GUCA1C: variants seen among roughly 807,000 people sequenced by gnomAD.
GUCA1C encodes the protein guanylate cyclase activator 1C, also known as guanylyl cyclase-activating protein 3.
In GUCA1C, 15 loss-of-function variants were observed where a neutral mutation model predicts 16.2. The observed-to-expected ratio is 0.93, with a 90% CI of 0.62 to 1.43. The LOEUF (loss-of-function observed/expected upper bound fraction) is 1.43. Among genes scored for constraint, GUCA1C ranks in the 40% most tolerant of loss-of-function variants. The pLI, the probability that GUCA1C is intolerant of heterozygous loss-of-function variation, is 0.00. For missense variants in GUCA1C, 275 were observed against 244.8 expected (o/e 1.12, Z -0.82); for synonymous variants, 78 against 85.4 (o/e 0.91, Z 0.48).
intron 1 of GUCA1C, among the ~76,000 whole-genome samples, chr3:108,922,160 A>AACACACACACAC (rs56788372): frequency 5.8e-5 from 3 of 52,076 alleles, no homozygotes; most frequent in African/African-American, 1.4e-4. Flanking sequence ...CACATACACA[A>AACACACACACAC]ACACACACAC....
chr3:108,946,659 G>A (rs551240080), intron 1 of GUCA1C, among the ~76,000 whole-genome samples: 5 of 152,172 alleles, frequency 3.3e-5, no homozygotes, highest in Middle Eastern at 3.4e-3. Context: ...CGGTTTATAG[G>A]TAATATGAAG....
At chr3:108,923,036 G>T (rs1245122144) in intron 1 of GUCA1C, among the ~76,000 whole-genome samples, 1 of 151,946 alleles carries the variant, frequency 6.6e-6, no homozygotes, top group African/African-American at 2.4e-5. Flanking sequence ...GTTTTTTCTT[G>T]TTAATTTGTT....
chr3:108,948,390 C>A (rs1479522160), intron 1 of GUCA1C, among the ~76,000 whole-genome samples: 2 of 152,284 alleles, frequency 1.3e-5, no homozygotes, highest in Non-Finnish European at 2.9e-5. Context: ...GAGGCCTCCC[C>A]AGCCATGTCT....
At chr3:108,911,742 T>C (rs909839987) in intron 3 of GUCA1C, among the ~76,000 whole-genome samples, 4 of 152,214 alleles carry the variant, frequency 2.6e-5, no homozygotes, top group Non-Finnish European at 4.4e-5. Flanking sequence ...CTGGTCTTTC[T>C]TGTTAGTTAA....
intron 3 of GUCA1C, among the ~76,000 whole-genome samples, chr3:108,909,439 A>G (rs957479948): frequency 4.6e-5 from 7 of 152,208 alleles, no homozygotes; most frequent in African/African-American, 1.7e-4. Context: ...GTCAGTGGCA[A>G]CGGGGTAGGG....
At chr3:108,949,362 G>A (rs1946874661) in intron 1 of GUCA1C, among the ~76,000 whole-genome samples, 1 of 152,160 alleles carries the variant, frequency 6.6e-6, no homozygotes, top group South Asian at 2.1e-4. Flanking sequence ...AGGAAGGGAA[G>A]GTTGGGAGAA....
At chr3:108,940,399 G>C (rs1464658979) in intron 1 of GUCA1C, among the ~76,000 whole-genome samples, 1 of 152,168 alleles carries the variant, frequency 6.6e-6, no homozygotes, top group Non-Finnish European at 1.5e-5. Context: ...ATTTTTAAGG[G>C]CTCCTATACA....
chr3:108,951,290 G>C (rs1946893641), intron 1 of GUCA1C, among the ~76,000 whole-genome samples: 1 of 152,100 alleles, frequency 6.6e-6, no homozygotes, highest in African/African-American at 2.4e-5. Flanking sequence ...TACTGCTCTT[G>C]CCACAAAGAC....
At chr3:108,946,184 T>C (rs1342549640) in intron 1 of GUCA1C, among the ~76,000 whole-genome samples, 8 of 152,212 alleles carry the variant, frequency 5.3e-5, no homozygotes, top group Admixed American at 5.2e-4. Flanking sequence ...TAGAGTGCAA[T>C]GGTGCAATCA....
chr3:108,949,210 T>C (rs754209511), intron 1 of GUCA1C, among the ~76,000 whole-genome samples: 6 of 152,200 alleles, frequency 3.9e-5, no homozygotes, highest in Non-Finnish European at 1.5e-5. Flanking sequence ...GTGAGTCTTA[T>C]TAATAGGATA....
chr3:108,920,568 A>G lies in GUCA1C; in HGVS notation c.222T>C (p.Phe74=), dbSNP rs902203673. Residue 74 remains phenylalanine (F), a synonymous_variant, in exon 2 of 4, where the codon TTT becomes TTC. Coordinates refer to ENST00000261047, the MANE Select transcript of GUCA1C (RefSeq NM_005459.4). ...FDTNKDGFVD[F]LEFIAAVNLI... ...GATTTACAGCAGCAATAAACTCCAA[A>G]AAGTCAACAAATCCATCCTATGGAA... 2 of 1,510,604 alleles carry G rather than the reference A, an allele frequency of 1.3e-6. No individual in the cohort carries two copies. The highest frequency in any genetic ancestry group is 1.7e-5 in the Admixed American group (1 of 59,724). The allele number at this position is 1,510,604 out of a possible 1,614,324, so 93.6% of individuals were successfully genotyped here. A position where few individuals can be genotyped will look rare whatever the true frequency, so the allele number is the denominator to read the frequency against.
intron 1 of GUCA1C, among the ~76,000 whole-genome samples, chr3:108,945,317 T>C (rs1946833569): frequency 6.6e-6 from 1 of 152,242 alleles, no homozygotes. Context: ...GGTTTTGCGT[T>C]GGCAGTGGTA....
rs1037040368 is a variant in GUCA1C, at chr3:108,918,530, A to G, written c.354+1906T>C. On this transcript the variant is annotated intron_variant, in intron 2 of 3. Coordinates refer to ENST00000261047, the MANE Select transcript of GUCA1C (RefSeq NM_005459.4). The stretch of plus-strand genomic sequence containing the variant: ...AATTGCAGGATACAACCACATCTCA[A>G]TGGTTTCCTAACATCCCCATGTTAT... 2.0e-5 allele frequency among the ~76,000 whole-genome samples: 3 copies of G among 152,148 alleles called. 1 individual carries two copies. The highest frequency in any genetic ancestry group is 6.3e-3 in the Middle Eastern group (2 of 316).
chr3:108,910,358 C>T (rs1039640776), intron 3 of GUCA1C, among the ~76,000 whole-genome samples: 27 of 151,824 alleles, frequency 1.8e-4, no homozygotes, highest in African/African-American at 6.5e-4. Flanking sequence ...AGTAGCCGAG[C>T]GTGGTGGAGG....
chr3:108,925,441 C>A (rs185453053), intron 1 of GUCA1C, among the ~76,000 whole-genome samples: 5 of 152,172 alleles, frequency 3.3e-5, no homozygotes, highest in Admixed American at 3.3e-4. Context: ...TTGAGGGTTC[C>A]TTTTGGAGTT....
At chr3:108,932,609 A>G (rs2107300295) in intron 1 of GUCA1C, among the ~76,000 whole-genome samples, 1 of 152,318 alleles carries the variant, frequency 6.6e-6, no homozygotes, top group Non-Finnish European at 1.5e-5. Context: ...CAGTCTCAAA[A>G]TGATATATGC....
chr3:108,923,992 T>A (rs1946595337), intron 1 of GUCA1C, among the ~76,000 whole-genome samples: 1 of 152,196 alleles, frequency 6.6e-6, no homozygotes. Context: ...TTTGTGTACA[T>A]TAATTTTGTA....
chr3:108,912,766 G>A (rs1018885047), intron 3 of GUCA1C, among the ~76,000 whole-genome samples: 2 of 147,676 alleles, frequency 1.4e-5, no homozygotes, highest in Admixed American at 6.7e-5. Flanking sequence ...ATTGCATATT[G>A]TTTCTTGATT....
chr3:108,929,053 G>A (rs1459078689), intron 1 of GUCA1C, among the ~76,000 whole-genome samples: 3 of 152,162 alleles, frequency 2.0e-5, no homozygotes, highest in Non-Finnish European at 4.4e-5. Flanking sequence ...ACAATACTGA[G>A]TCTCCCTTTC....
Sources: allele counts gnomAD v4.1 joint callset (sites outside exome capture counted in the v4.1 genomes callset), GRCh38; gene constraint gnomAD v4.1.1; transcripts MANE v1.5; gene names NCBI Gene and HGNC (gene_info 2026-07-23, HGNC 2026-07-21).